The following EXOC2 variants were observed in gnomAD, a reference collection of about 807,000 sequenced individuals.
EXOC2 encodes the protein SEC5-like 1.
A neutral mutation model predicts 131.8 loss-of-function variants in EXOC2; 70 were observed. The ratio of observed to expected loss-of-function variants is 0.53; its 90% confidence interval spans 0.44 to 0.65. The LOEUF (loss-of-function observed/expected upper bound fraction) is 0.65, where lower values mean the gene tolerates loss of function less well. EXOC2 is among the 30% of genes least tolerant of loss of function. The pLI, the probability that EXOC2 is intolerant of heterozygous loss-of-function variation, is 0.00. For missense variants in EXOC2, 923 were observed against 1,108.6 expected, an observed-to-expected ratio of 0.83 and a Z score of 2.38; for synonymous variants, 411 against 398.4, an observed-to-expected ratio of 1.03 and a Z score of -0.38.
chr6:498,604 C>A (rs555268929), intron 24 of EXOC2, among the ~76,000 whole-genome samples: 1 of 152,082 alleles, frequency 6.6e-6, no homozygotes, highest in Non-Finnish European at 1.5e-5. Flanking sequence ...GAAACTGTAA[C>A]GTTCTATAGT....
chr6:663,972 C>G (rs570144111), intron 1 of EXOC2, among the ~76,000 whole-genome samples: 7 of 152,104 alleles, frequency 4.6e-5, no homozygotes, highest in Non-Finnish European at 2.9e-5. Context: ...GCATCCAAAT[C>G]GGTAAAGAGG....
At chr6:517,991 T>C (rs1765251255) in intron 23 of EXOC2, among the ~76,000 whole-genome samples, 1 of 152,218 alleles carries the variant, frequency 6.6e-6, no homozygotes, top group African/African-American at 2.4e-5. Context: ...AGGTTTATTT[T>C]TCTTAATTAA....
chr6:651,720 G>T (rs775848820), intron 1 of EXOC2, among the ~76,000 whole-genome samples: 9 of 151,638 alleles, frequency 5.9e-5, no homozygotes, highest in Non-Finnish European at 1.3e-4. Context: ...AAGTGCTCAT[G>T]AGGGCAGAAG....
chr6:591,332 A>G (rs1759531076), intron 11 of EXOC2, among the ~76,000 whole-genome samples: 1 of 152,138 alleles, frequency 6.6e-6, no homozygotes, highest in African/African-American at 2.4e-5. Flanking sequence ...CAAACCTGTC[A>G]CAGCAGCCAA....
intron 23 of EXOC2, among the ~76,000 whole-genome samples, chr6:522,664 G>A (rs1049537910): frequency 2.0e-5 from 3 of 151,134 alleles, no homozygotes; most frequent in South Asian, 2.1e-4. Flanking sequence ...AGGTCCATGC[G>A]GACTGCAGGA....
chr6:538,270 T>C (rs1766585831), intron 22 of EXOC2, among the ~76,000 whole-genome samples: 1 of 152,160 alleles, frequency 6.6e-6, no homozygotes, highest in Non-Finnish European at 1.5e-5. Context: ...AAATACATAA[T>C]AAATGCTAGC....
rs74715748 is a variant in EXOC2 at position 581,330 on chromosome 6, A to G, written c.1193-4448T>C. ...AAAAAAAAGTAACAGTGAAAACTGT[A>G]TCAGAATTTTATAATATTTGTTATG... On this transcript the variant is annotated intron_variant, in intron 11 of 27. Transcript: ENST00000230449. Among the ~76,000 whole-genome samples, 492 of 152,110 alleles carry G rather than the reference A, an allele frequency of 3.2e-3. 2 individuals carry two copies. Among genetic ancestry groups the G allele is most frequent in the African/African-American group, 0.011 (472 of 41,512 alleles).
intron 1 of EXOC2, among the ~76,000 whole-genome samples, chr6:673,200 A>G (rs1231428685): frequency 6.8e-6 from 1 of 147,298 alleles, no homozygotes; most frequent in African/African-American, 2.5e-5. Flanking sequence ...TTGCAGAGGC[A>G]AGATCGCGCC....
intron 23 of EXOC2, among the ~76,000 whole-genome samples, chr6:531,711 C>T (rs1766095735): frequency 6.6e-6 from 1 of 152,202 alleles, no homozygotes; most frequent in Non-Finnish European, 1.5e-5. Context: ...CTCACTGGTG[C>T]TTTGTTATAT....
At chr6:640,312 A>T (rs896164611) in intron 1 of EXOC2, among the ~76,000 whole-genome samples, 12 of 152,334 alleles carry the variant, frequency 7.9e-5, no homozygotes, top group African/African-American at 2.6e-4. Context: ...CTTAGCGCAG[A>T]ATGTCAAAGC....
At chr6:671,415 C>T (rs1164696737) in intron 1 of EXOC2, among the ~76,000 whole-genome samples, 2 of 151,996 alleles carry the variant, frequency 1.3e-5, no homozygotes, top group Admixed American at 6.6e-5. Context: ...TTACATTCCA[C>T]ATCCGTATCA....
chr6:501,197 ATATAT>A (rs1263428334), intron 23 of EXOC2, among the ~76,000 whole-genome samples: 2 of 21,878 alleles, frequency 9.1e-5, no homozygotes, highest in East Asian at 1.7e-3. Context: ...ATATATCTAT[ATATAT>A]TATATATATA....
At chr6:507,286 GC>G (rs1331826281) in intron 23 of EXOC2, among the ~76,000 whole-genome samples, 3 of 81,236 alleles carry the variant, frequency 3.7e-5, no homozygotes, top group Non-Finnish European at 2.1e-5. Context: ...CACACACACA[GC>G]AGTGACTACA....
At chr6:528,548 C>A (rs146239563) in intron 23 of EXOC2, among the ~76,000 whole-genome samples, 7 of 152,184 alleles carry the variant, frequency 4.6e-5, no homozygotes, top group African/African-American at 1.7e-4. Flanking sequence ...GAAACGAGCA[C>A]CGATGACTTC....
chr6:599,240 G>A lies in EXOC2; in HGVS notation c.743-15C>T, dbSNP rs749105989. The A allele has an allele frequency of 2.4e-5, 36 of 1,518,890 alleles. No homozygotes were observed. In the East Asian group the frequency reaches 7.5e-4, roughly 32 times the overall value. 94.1% of individuals were successfully genotyped at this position (1,518,890 alleles called of 1,614,324 possible). On this transcript the variant is annotated splice_polypyrimidine_tract_variant and intron_variant, in intron 7 of 27. Transcript: ENST00000230449. ...ATTACTTGCTCCTGTTTTAAAAAGA[G>A]GAAAGGAAACTTAGATGAAAGCTGA...
chr6:556,546 A>T lies in EXOC2; in HGVS notation c.1870T>A (p.Cys624Ser), dbSNP rs138231103. Residue 624 changes from cysteine (C) to serine (S), a missense_variant, in exon 18 of 28, where the codon TGC (cysteine) becomes AGC (serine). Physicochemically the swap from Cys to Ser is moderately radical, Grantham distance 112. Transcript: ENST00000230449. ...LTSLPCQFEQ[C>S]IVCSLQSLKG... The stretch of plus-strand genomic sequence containing the variant: ...AGTGACTGCAGAGAACACACGATGC[A>T]CTGTTCAAACTGACATGGCTGAAGG... 1 of 1,614,088 alleles carries T rather than the reference A, an allele frequency of 6.2e-7. No individual in the cohort carries two copies. Among genetic ancestry groups the T allele is most frequent in the African/African-American group, 1.3e-5 (1 of 74,930 alleles).
intron 21 of EXOC2, among the ~76,000 whole-genome samples, chr6:549,684 A>G (rs1161899528): frequency 6.6e-6 from 1 of 152,232 alleles, no homozygotes; most frequent in African/African-American, 2.4e-5. Context: ...TATTTTTAAT[A>G]ACTAATTACA....
intron 13 of EXOC2, among the ~76,000 whole-genome samples, chr6:571,626 C>CA (rs35022324): frequency 6.6e-6 from 1 of 152,146 alleles, no homozygotes; most frequent in Non-Finnish European, 1.5e-5. Flanking sequence ...TGCCTTTGTG[C>CA]AAAAAACCAA....
intron 1 of EXOC2, among the ~76,000 whole-genome samples, chr6:665,511 G>C (rs1763602821): frequency 6.6e-6 from 1 of 152,188 alleles, no homozygotes; most frequent in African/African-American, 2.4e-5. Flanking sequence ...ATTCACAATT[G>C]CAAAATCGTG....
Sources: gnomAD v4.1 joint callset for allele counts (sites outside exome capture counted in the v4.1 genomes callset) on GRCh38, gnomAD v4.1.1 for gene constraint, MANE v1.5 for transcripts, NCBI Gene and HGNC (gene_info 2026-07-23, HGNC 2026-07-21) for gene names.